The following FIRRM variants were observed in gnomAD, a reference collection of about 807,000 sequenced individuals.
The protein encoded by FIRRM is FIGNL1-interacting regulator of recombination and mitosis.
At chr1:169,844,880 G>C in the FIRRM span, among the ~76,000 whole-genome samples, 5 of 152,144 alleles carry the variant, frequency 3.3e-5, no homozygotes, top group South Asian at 1.0e-3. Flanking sequence ...TTAAATTGGG[G>C]GTTTGCAGAT....
At chr1:169,849,436 G>A in the FIRRM span, 1 of 1,209,002 alleles carries the variant, frequency 8.3e-7, no homozygotes, top group Non-Finnish European at 1.2e-6. Flanking sequence ...TTGAATGTAT[G>A]GCTATTTTAT....
At chr1:169,803,729 C>T in the FIRRM span, among the ~76,000 whole-genome samples, 1 of 152,096 alleles carries the variant, frequency 6.6e-6, no homozygotes, top group Non-Finnish European at 1.5e-5. Flanking sequence ...AAAAGCTTGC[C>T]TAGAATTTAT....
the FIRRM span, chr1:169,793,219 T>G: frequency 6.2e-7 from 1 of 1,614,194 alleles, no homozygotes. Flanking sequence ...CATAAACACC[T>G]GTAATCAGAT....
At chr1:169,795,183 G>A in the FIRRM span, 6 of 1,535,956 alleles carry the variant, frequency 3.9e-6, no homozygotes, top group African/African-American at 8.2e-5. Context: ...TATGCCGCCG[G>A]GAACTGCCGT....
chr1:169,827,974 C>G, the FIRRM span: 1 of 840,874 alleles, frequency 1.2e-6, no homozygotes, highest in African/African-American at 1.7e-5. Flanking sequence ...TGTGTAGACA[C>G]ACATATATAT....
At chr1:169,853,312 A>T in the FIRRM span, 1 of 339,508 alleles carries the variant, frequency 2.9e-6, no homozygotes, top group Non-Finnish European at 5.3e-6. Flanking sequence ...AAAATTTTTT[A>T]AAGTTGTATT....
the FIRRM span, chr1:169,853,601 T>C: frequency 1.4e-5 from 15 of 1,090,684 alleles, no homozygotes; most frequent in South Asian, 2.1e-4. Flanking sequence ...GCTCCTGGGA[T>C]GGGAAAAGCA....
At chr1:169,843,419 A>G in the FIRRM span, among the ~76,000 whole-genome samples, 1 of 152,220 alleles carries the variant, frequency 6.6e-6, no homozygotes, top group Admixed American at 6.5e-5. Context: ...TTTGGATTTC[A>G]GTCACAGCTC....
At chr1:169,830,832 G>T in the FIRRM span, 1 of 1,210,114 alleles carries the variant, frequency 8.3e-7, no homozygotes, top group African/African-American at 1.5e-5. Context: ...GTGAATATCG[G>T]CGGGAGAAAT....
At chr1:169,850,356 T>C in the FIRRM span, 2 of 1,566,138 alleles carry the variant, frequency 1.3e-6, no homozygotes, top group South Asian at 2.3e-5. Flanking sequence ...GTACTTTCTT[T>C]ACATGGCTCA....
At chr1:169,827,218 T>G in the FIRRM span, 1 of 1,600,810 alleles carries the variant, frequency 6.2e-7, no homozygotes, top group Non-Finnish European at 8.5e-7. Flanking sequence ...CAAAATAGAT[T>G]TAATGATAAA....
chr1:169,841,027 C>T, the FIRRM span, among the ~76,000 whole-genome samples: 60 of 152,230 alleles, frequency 3.9e-4, no homozygotes, highest in East Asian at 0.011. Context: ...TGTCTTGTTC[C>T]ATTTCTGAAG....
the FIRRM span, chr1:169,827,645 A>C: frequency 4.4e-6 from 7 of 1,590,628 alleles, no homozygotes; most frequent in South Asian, 3.3e-5. Flanking sequence ...CTCAAACAAA[A>C]AAAAATTATT....
the FIRRM span, chr1:169,826,899 C>T: frequency 5.1e-6 from 3 of 593,624 alleles, no homozygotes; most frequent in East Asian, 2.9e-5. Context: ...CAATTCAGTA[C>T]TTTGAATTTT....
the FIRRM span, chr1:169,800,996 C>A: frequency 8.1e-7 from 1 of 1,230,168 alleles, no homozygotes; most frequent in Non-Finnish European, 1.2e-6. Flanking sequence ...CCTGAAAATA[C>A]ATGTTATAAG....
At chr1:169,809,539 A>G in the FIRRM span, among the ~76,000 whole-genome samples, 38 of 152,378 alleles carry the variant, frequency 2.5e-4, no homozygotes, top group East Asian at 7.3e-3. Flanking sequence ...AAGTCTAAAC[A>G]ACAGTATAGT....
At chr1:169,823,497 T>C in the FIRRM span, 1 of 1,490,508 alleles carries the variant, frequency 6.7e-7, no homozygotes, top group Non-Finnish European at 9.3e-7. Context: ...ATATGATTAT[T>C]AAGATACAAC....
At chr1:169,852,045 A>G in the FIRRM span, 1 of 1,450,450 alleles carries the variant, frequency 6.9e-7, no homozygotes, top group African/African-American at 1.4e-5. Flanking sequence ...TGAATTTCAA[A>G]TCAAATAGAT....
the FIRRM span, chr1:169,784,763 A>C: frequency 6.6e-6 from 1 of 152,254 alleles, no homozygotes; most frequent in Non-Finnish European, 1.5e-5. Context: ...TTTTCTGTTC[A>C]TCACTCAGCT....
Sources: gnomAD v4.1 joint callset for allele counts (sites outside exome capture counted in the v4.1 genomes callset) on GRCh38, gnomAD v4.1.1 for gene constraint, MANE v1.5 for transcripts, NCBI Gene and HGNC (gene_info 2026-07-23, HGNC 2026-07-21) for gene names.